Variants in FHIT observed in about 807,000 individuals in gnomAD.
The protein encoded by FHIT is bis(5'-adenosyl)-triphosphatase.
A neutral mutation model predicts 17.9 loss-of-function variants in FHIT; 19 were observed. That is an observed-to-expected ratio of 1.06 (90% CI 0.74 to 1.56). The LOEUF is 1.56. Among genes scored for constraint, FHIT ranks in the 40% most tolerant of loss-of-function variants. The pLI, the probability that FHIT is intolerant of heterozygous loss-of-function variation, is 0.00. For missense variants in FHIT, 248 were observed against 189.2 expected, an observed-to-expected ratio of 1.31 and a Z score of -1.82; for synonymous variants, 81 against 69.7, an observed-to-expected ratio of 1.16 and a Z score of -0.81.
intron 5 of FHIT, among the ~76,000 whole-genome samples, chr3:60,376,186 C>G (rs1351366776): frequency 6.6e-6 from 1 of 152,134 alleles, no homozygotes; most frequent in Non-Finnish European, 1.5e-5. Flanking sequence ...AGTAGAGTAA[C>G]TAGGTCTGTC....
intron 5 of FHIT, among the ~76,000 whole-genome samples, chr3:60,462,851 C>G (rs2032560355): frequency 6.6e-6 from 1 of 152,180 alleles, no homozygotes; most frequent in Non-Finnish European, 1.5e-5. Context: ...CTGGCTGTAT[C>G]TACACAGTCA....
At chr3:59,894,403 C>T (rs1289081496) in intron 8 of FHIT, among the ~76,000 whole-genome samples, 4 of 152,124 alleles carry the variant, frequency 2.6e-5, no homozygotes, top group Admixed American at 6.5e-5. Flanking sequence ...ATAATTTACA[C>T]TTCATAAACA....
At chr3:60,852,315 A>G (rs528298311) in intron 3 of FHIT, among the ~76,000 whole-genome samples, 5 of 152,084 alleles carry the variant, frequency 3.3e-5, no homozygotes, top group Non-Finnish European at 7.4e-5. Flanking sequence ...TAGCTTGCCA[A>G]TGCCAGATCT....
At chr3:60,548,846 T>A (rs2036455067) in intron 4 of FHIT, among the ~76,000 whole-genome samples, 1 of 152,216 alleles carries the variant, frequency 6.6e-6, no homozygotes, top group African/African-American at 2.4e-5. Flanking sequence ...CAAATTCCTA[T>A]ACTTCATCAT....
chr3:60,047,617 G>C (rs1334741739), intron 5 of FHIT, among the ~76,000 whole-genome samples: 1 of 152,190 alleles, frequency 6.6e-6, no homozygotes, highest in Non-Finnish European at 1.5e-5. Context: ...GCATATGTGA[G>C]CAGTGAAACT....
chr3:59,863,583 T>G (rs550531947), intron 8 of FHIT, among the ~76,000 whole-genome samples: 1 of 152,200 alleles, frequency 6.6e-6, no homozygotes, highest in Non-Finnish European at 1.5e-5. Flanking sequence ...TGATTATTCA[T>G]TCACAGCTCT....
chr3:61,083,305 C>T (rs988871647), intron 2 of FHIT, among the ~76,000 whole-genome samples: 3 of 152,092 alleles, frequency 2.0e-5, no homozygotes, highest in Non-Finnish European at 4.4e-5. Context: ...CAGAAAGAAA[C>T]GTTGGCCCGG....
chr3:61,006,393 C>A (rs2031450863), intron 3 of FHIT, among the ~76,000 whole-genome samples: 1 of 151,818 alleles, frequency 6.6e-6, no homozygotes, highest in African/African-American at 2.4e-5. Flanking sequence ...CATCAATGAC[C>A]ATAACAAATG....
At chr3:60,567,080 G>T (rs6777603) in intron 4 of FHIT, among the ~76,000 whole-genome samples, 104,330 of 132,660 alleles carry the variant, frequency 0.79, 40,563 homozygotes, top group African/African-American at 0.88. Context: ...AGCTACCAAT[G>T]ACTTTCTTCA....
At chr3:61,127,891 C>T (rs2036656791) in intron 2 of FHIT, among the ~76,000 whole-genome samples, 2 of 148,972 alleles carry the variant, frequency 1.3e-5, no homozygotes, top group Non-Finnish European at 3.0e-5. Context: ...AGAAGAAGAA[C>T]TTTGTATTTC....
intron 5 of FHIT, among the ~76,000 whole-genome samples, chr3:60,421,634 A>G (rs1192739717): frequency 2.0e-5 from 3 of 152,148 alleles, no homozygotes; most frequent in African/African-American, 7.2e-5. Context: ...TATGATATTT[A>G]TTACATAAAG....
chr3:60,043,759 G>A (rs1000729360), intron 5 of FHIT, among the ~76,000 whole-genome samples: 1 of 152,122 alleles, frequency 6.6e-6, no homozygotes, highest in Non-Finnish European at 1.5e-5. Context: ...AGACAGTTAT[G>A]GCTTTTTCTC....
At chr3:60,629,231 G>A (rs1553681854) in intron 4 of FHIT, among the ~76,000 whole-genome samples, 1 of 152,082 alleles carries the variant, frequency 6.6e-6, no homozygotes, top group African/African-American at 2.4e-5. Context: ...CATCTCTTTG[G>A]CCACATCTGC....
At chr3:61,212,657 C>G (rs1576232411) in intron 1 of FHIT, among the ~76,000 whole-genome samples, 1 of 152,070 alleles carries the variant, frequency 6.6e-6, no homozygotes, top group South Asian at 2.1e-4. Context: ...GAGAACGCCA[C>G]AAAGATACTC....
At chr3:61,202,647 A>G (rs1045446178) in intron 1 of FHIT, among the ~76,000 whole-genome samples, 12 of 152,224 alleles carry the variant, frequency 7.9e-5, no homozygotes, top group African/African-American at 2.4e-4. Context: ...ATACTTTCAT[A>G]TATCAGAATG....
At chr3:60,103,711 G>C (rs1310447875) in intron 5 of FHIT, among the ~76,000 whole-genome samples, 1 of 152,134 alleles carries the variant, frequency 6.6e-6, no homozygotes, top group Admixed American at 6.5e-5. Context: ...AAAAAGACTG[G>C]TCAGTTAGCC....
chr3:60,939,536 C>T (rs1486777780), intron 3 of FHIT, among the ~76,000 whole-genome samples: 2 of 152,084 alleles, frequency 1.3e-5, no homozygotes, highest in African/African-American at 4.8e-5. Flanking sequence ...TTCACCGTGA[C>T]TACAAGCAGA....
chr3:60,087,850 C>G (rs923855124), intron 5 of FHIT, among the ~76,000 whole-genome samples: 20 of 152,154 alleles, frequency 1.3e-4, no homozygotes, highest in African/African-American at 4.8e-4. Flanking sequence ...CTTCTGAGAC[C>G]TCCAAACTCT....
At chr3:60,146,711 T>G (rs1700258025) in intron 5 of FHIT, among the ~76,000 whole-genome samples, 1 of 152,122 alleles carries the variant, frequency 6.6e-6, no homozygotes, top group African/African-American at 2.4e-5. Flanking sequence ...ACTGTGCGGA[T>G]GAACATCATG....
Sources: gnomAD v4.1 joint callset for allele counts (sites outside exome capture counted in the v4.1 genomes callset) on GRCh38, gnomAD v4.1.1 for gene constraint, MANE v1.5 for transcripts, NCBI Gene and HGNC (gene_info 2026-07-23, HGNC 2026-07-21) for gene names.